Variants in FABP12 observed in about 807,000 individuals in gnomAD.
FABP12 encodes the protein fatty acid binding protein 12.
Under a neutral mutation model 13.7 loss-of-function variants are expected in FABP12, and 19 were observed. The ratio of observed to expected loss-of-function variants is 1.39; its 90% CI spans 0.97 to 2.04. The LOEUF (loss-of-function observed/expected upper bound fraction) is 2.04. FABP12 is among the 30% of genes most tolerant of loss of function. The pLI, the probability that FABP12 is intolerant of heterozygous loss-of-function variation, is 0.00. For synonymous variants in FABP12, 61 were observed against 57.0 expected (o/e 1.07, Z -0.32); for missense variants, 182 against 164.2 (o/e 1.11, Z -0.59).
intron 4 of FABP12, 135 bp downstream of exon 4, chr8:81,526,885 C>T (rs950180971): frequency 5.3e-5 from 31 of 587,360 alleles, no homozygotes; most frequent in Non-Finnish European, 7.8e-5. Context: ...ATACATTTAT[C>T]TCATAATTTT....
At chr8:81,575,861 T>G (rs1040691427) in intron 1 of FABP12, among the ~76,000 whole-genome samples, 3 of 152,186 alleles carry the variant, frequency 2.0e-5, no homozygotes, top group African/African-American at 7.2e-5. Flanking sequence ...GTGAGGGATC[T>G]AGGCTGCATG....
At chr8:81,584,997 G>GGATAGTTAGCAA (rs555075743) in intron 1 of FABP12, among the ~76,000 whole-genome samples, 70 of 152,200 alleles carry the variant, frequency 4.6e-4, no homozygotes, top group African/African-American at 1.5e-3. Context: ...CTTGTCAGAT[G>GGATAGTTAGCAA]GATAGTTAGC....
chr8:81,555,916 A>G (rs1448601506), intron 1 of FABP12, among the ~76,000 whole-genome samples: 4 of 152,218 alleles, frequency 2.6e-5, no homozygotes, highest in African/African-American at 7.2e-5. Flanking sequence ...GACAAATTTA[A>G]TTTGTGGAAA....
intron 1 of FABP12, among the ~76,000 whole-genome samples, chr8:81,568,521 C>T (rs1563555001): frequency 1.3e-5 from 2 of 152,206 alleles, no homozygotes; most frequent in Non-Finnish European, 2.9e-5. Flanking sequence ...CCCTTGAACA[C>T]TGCTGATGGG....
At chr8:81,555,293 C>T (rs1035689780) in intron 1 of FABP12, among the ~76,000 whole-genome samples, 19 of 152,140 alleles carry the variant, frequency 1.2e-4, no homozygotes, top group Non-Finnish European at 2.4e-4. Context: ...GACCCATAGC[C>T]TCGGATTGCT....
At chr8:81,573,494 G>A (rs1237609336) in intron 1 of FABP12, among the ~76,000 whole-genome samples, 3 of 152,032 alleles carry the variant, frequency 2.0e-5, no homozygotes, top group Admixed American at 6.6e-5. Context: ...AAGAATGATG[G>A]TGGTATTTTG....
intron 1 of FABP12, among the ~76,000 whole-genome samples, chr8:81,573,591 G>C (rs1203189357): frequency 6.6e-6 from 1 of 152,172 alleles, no homozygotes; most frequent in Non-Finnish European, 1.5e-5. Flanking sequence ...AGCATGGGAT[G>C]TGTTTCCATT....
chr8:81,556,901 G>C (rs946889735), intron 1 of FABP12, among the ~76,000 whole-genome samples: 143 of 26,476 alleles, frequency 5.4e-3, no homozygotes, highest in African/African-American at 0.02. Context: ...TTTTTTTTTT[G>C]CGAGACAGAG....
At chr8:81,555,499 G>T (rs546698399) in intron 1 of FABP12, among the ~76,000 whole-genome samples, 1 of 152,222 alleles carries the variant, frequency 6.6e-6, no homozygotes, top group South Asian at 2.1e-4. Context: ...ATGGAAACCT[G>T]GTTTTAAAGT....
At chr8:81,527,979 T>C (rs531744064) in intron 3 of FABP12, among the ~76,000 whole-genome samples, 3 of 152,120 alleles carry the variant, frequency 2.0e-5, no homozygotes, top group Admixed American at 1.3e-4. Context: ...ATAATAATAA[T>C]ACATGTGAAA....
At chr8:81,539,433 CTTTTTTTTTTT>C (rs35386904) in intron 2 of FABP12, among the ~76,000 whole-genome samples, 10 of 50,030 alleles carry the variant, frequency 2.0e-4, no homozygotes, top group East Asian at 7.4e-4. Flanking sequence ...TTCTTTAGTT[CTTTTTTTTTTT>C]TTTTTTTTTT....
In FABP12 at chr8:81,547,017, T is replaced by C. The variant is rs116234145; in HGVS notation, c.-184-7274A>G. 5.7e-3 allele frequency among the ~76,000 whole-genome samples: 865 copies of C among 152,362 alleles called. 4 individuals are homozygous for C. Among genetic ancestry groups the C allele is most frequent in the African/African-American group, 0.02 (819 of 41,590 alleles). On this transcript the variant is annotated intron_variant, in intron 1 of 5. Transcript: ENST00000692030. Reference sequence around the variant, plus strand: ...ACTCACTTGTTCCTTTTATGTTTATTTTCTGAGTAACATGAGGAAGAAAGA... The same window carrying C: ...ACTCACTTGTTCCTTTTATGTTTATCTTCTGAGTAACATGAGGAAGAAAGA...
intron 1 of FABP12, among the ~76,000 whole-genome samples, chr8:81,569,557 T>C (rs1809887157): frequency 6.6e-6 from 1 of 152,076 alleles, no homozygotes; most frequent in African/African-American, 2.4e-5. Flanking sequence ...AAGCCTGAGA[T>C]TATGCTTCAT....
At chr8:81,536,121 C>G (rs190094961), upstream of FABP12, among the ~76,000 whole-genome samples, 11 of 152,250 alleles carry the variant, frequency 7.2e-5, no homozygotes, top group Admixed American at 7.2e-4. Flanking sequence ...GAATCAAATT[C>G]TCTTCATTCC....
upstream of FABP12, among the ~76,000 whole-genome samples, chr8:81,535,016 T>C (rs1809188205): frequency 6.6e-6 from 1 of 152,196 alleles, no homozygotes; most frequent in African/African-American, 2.4e-5. Context: ...CTTTCCTGAT[T>C]GAGGTAGGAA....
intron 1 of FABP12, among the ~76,000 whole-genome samples, chr8:81,532,151 C>G (rs186949573): frequency 6.6e-6 from 1 of 152,266 alleles, no homozygotes; most frequent in Non-Finnish European, 1.5e-5. Flanking sequence ...GAACAGGGGT[C>G]AAGGAATATA....
chr8:81,542,226 T>C (rs1656591614), intron 1 of FABP12, among the ~76,000 whole-genome samples: 1 of 152,178 alleles, frequency 6.6e-6, no homozygotes, highest in Non-Finnish European at 1.5e-5. Context: ...AGTGAAATGC[T>C]GAAAGTTAAA....
At chr8:81,586,540 T>G (rs895545063) in intron 1 of FABP12, among the ~76,000 whole-genome samples, 6 of 152,240 alleles carry the variant, frequency 3.9e-5, no homozygotes, top group Non-Finnish European at 7.3e-5. Flanking sequence ...CCATTCTGAC[T>G]GGTGTGAGAT....
At chr8:81,525,256 C>T (rs1242705086) in intron 4 of FABP12, 136 bp from the exon 5 acceptor site, 2 of 587,324 alleles carry the variant, frequency 3.4e-6, no homozygotes, top group South Asian at 2.1e-5. Context: ...TGGCTCACAC[C>T]TGTAATCCCA....
Sources: allele counts gnomAD v4.1 joint callset (sites outside exome capture counted in the v4.1 genomes callset), GRCh38; gene constraint gnomAD v4.1.1; transcripts MANE v1.5; gene names NCBI Gene and HGNC (gene_info 2026-07-23, HGNC 2026-07-21).